Variants in GALNT18 observed in about 807,000 individuals in gnomAD.
The protein encoded by GALNT18 is GalNAc-transferase 18.
Under a neutral mutation model 69.5 loss-of-function variants are expected in GALNT18, and 44 were observed. The ratio of observed to expected loss-of-function variants is 0.63; its 90% confidence interval spans 0.50 to 0.81. The LOEUF is 0.81. Among genes scored for constraint, GALNT18 ranks in the 40% least tolerant of loss-of-function variants. The pLI, the probability that GALNT18 is intolerant of heterozygous loss-of-function variation, is 0.00. For missense variants in GALNT18, 715 were observed against 810.0 expected (o/e 0.88, Z 1.42); for synonymous variants, 364 against 318.2 (o/e 1.14, Z -1.53).
intron 9 of GALNT18, among the ~76,000 whole-genome samples, chr11:11,317,008 C>A (rs1849768284): frequency 1.3e-5 from 2 of 152,186 alleles, no homozygotes; most frequent in South Asian, 4.1e-4. Context: ...TGGGGAGACC[C>A]CACTATTGTA....
chr11:11,272,577 T>C (rs1368732822), intron 10 of GALNT18, among the ~76,000 whole-genome samples: 1 of 152,204 alleles, frequency 6.6e-6, no homozygotes, highest in Non-Finnish European at 1.5e-5. Flanking sequence ...TCCCTTGTAC[T>C]TTTCTGAACC....
At chr11:11,551,951 A>G (rs1478723932) in intron 1 of GALNT18, among the ~76,000 whole-genome samples, 2 of 152,208 alleles carry the variant, frequency 1.3e-5, no homozygotes, top group Admixed American at 1.3e-4. Context: ...ATTACAAAGT[A>G]CATTGATCAG....
intron 1 of GALNT18, among the ~76,000 whole-genome samples, chr11:11,450,899 G>C (rs991641855): frequency 3.9e-5 from 6 of 152,118 alleles, no homozygotes; most frequent in Non-Finnish European, 8.8e-5. Context: ...TCAGTCCTGG[G>C]AAGGCTCTCC....
intron 9 of GALNT18, among the ~76,000 whole-genome samples, chr11:11,324,939 C>T (rs1849893414): frequency 6.6e-6 from 1 of 152,166 alleles, no homozygotes; most frequent in Admixed American, 6.5e-5. Context: ...CTATGGAAAA[C>T]AGTATGGATA....
intron 9 of GALNT18, among the ~76,000 whole-genome samples, chr11:11,311,662 T>C (rs1476163412): frequency 2.0e-5 from 3 of 152,062 alleles, no homozygotes; most frequent in Non-Finnish European, 4.4e-5. Flanking sequence ...AACTGGCCCA[T>C]CATTAAGAAA....
intron 9 of GALNT18, among the ~76,000 whole-genome samples, chr11:11,303,054 G>T (rs1419639366): frequency 6.6e-6 from 1 of 152,178 alleles, no homozygotes; most frequent in Non-Finnish European, 1.5e-5. Context: ...GGCTATAGCA[G>T]ATACTGTTAG....
rs1849637683 is a variant in GALNT18, at chr11:11,309,664, T to C, written c.1513-16471A>G. The stretch of plus-strand genomic sequence containing the variant: ...TAAATCCACCACAAACTCATGATCT[T>C]TAACCTCAACCAGGTACTTCAACAC... On this transcript the variant is annotated intron_variant, in intron 9 of 10. Transcript: ENST00000227756. This position sits in a 1 kb window ranked among gnomAD's most constrained non-coding sequence, Gnocchi z 4.6. 6.6e-6 allele frequency among the ~76,000 whole-genome samples: 1 copy of C among 152,110 alleles called. No individual in the cohort carries two copies. Among genetic ancestry groups the C allele is most frequent in the African/African-American group, 2.4e-5 (1 of 41,414 alleles).
intron 1 of GALNT18, among the ~76,000 whole-genome samples, chr11:11,462,524 C>T (rs1856069086): frequency 6.6e-6 from 1 of 151,882 alleles, no homozygotes; most frequent in African/African-American, 2.4e-5. Flanking sequence ...AACTCTTAAC[C>T]TCAAGTGATC....
intron 6 of GALNT18, chr11:11,352,041 G>T: frequency 1.2e-6 from 2 of 1,613,710 alleles, no homozygotes; most frequent in Non-Finnish European, 1.7e-6. Context: ...GGGTGAAGGA[G>T]TTGGCACTGA....
chr11:11,316,471 G>C (rs1025469356), intron 9 of GALNT18, among the ~76,000 whole-genome samples: 1 of 152,146 alleles, frequency 6.6e-6, no homozygotes, highest in African/African-American at 2.4e-5. Flanking sequence ...ACCACACAGG[G>C]GAGAGGTGAT....
chr11:11,571,687 G>A (rs952365904), intron 1 of GALNT18, among the ~76,000 whole-genome samples: 5 of 152,156 alleles, frequency 3.3e-5, no homozygotes, highest in African/African-American at 7.2e-5. Flanking sequence ...GACAAAGGAT[G>A]TTTCAATCCT....
At chr11:11,418,041 C>T (rs1319738166) in intron 3 of GALNT18, among the ~76,000 whole-genome samples, 1 of 152,198 alleles carries the variant, frequency 6.6e-6, no homozygotes, top group Non-Finnish European at 1.5e-5. Context: ...GACATGTATT[C>T]TGATGATAGA....
At position 11,281,771 on chromosome 11, in the gene GALNT18, G is replaced by A. The variant is rs11827887; in HGVS notation, c.1678-10481C>T. On this transcript the variant is annotated intron_variant, in intron 10 of 10. Transcript: ENST00000227756. ...AGTGCGGTGACCCTGGGCATTGGCT[G>A]CCTGAAGGGATGTGGGAAGGATGGA... Among the ~76,000 whole-genome samples the A allele has an allele frequency of 2.6e-3, 398 of 152,222 alleles. 3 individuals are homozygous for A. Among genetic ancestry groups the A allele is most frequent in the African/African-American group, 9.2e-3 (381 of 41,518 alleles).
At chr11:11,401,193 G>A (rs1217585067) in intron 3 of GALNT18, among the ~76,000 whole-genome samples, 3 of 152,110 alleles carry the variant, frequency 2.0e-5, no homozygotes, top group Admixed American at 2.0e-4. Context: ...TGGATCCTTT[G>A]CAAACCCAGA....
At chr11:11,535,689 C>T (rs1189036740) in intron 1 of GALNT18, among the ~76,000 whole-genome samples, 5 of 152,206 alleles carry the variant, frequency 3.3e-5, no homozygotes, top group African/African-American at 1.2e-4. Context: ...ACAGCCAATC[C>T]CTGCTAGGTT....
intron 10 of GALNT18, among the ~76,000 whole-genome samples, chr11:11,272,345 C>A (rs779734825): frequency 3.2e-4 from 48 of 152,210 alleles, no homozygotes; most frequent in Non-Finnish European, 4.6e-4. Context: ...AGGCCACCAA[C>A]TTCTTTCTCT....
rs964431328 is a variant in GALNT18 at position 11,377,046 on chromosome 11, T to C, written c.977+136A>G. 5 of 705,528 alleles carry C rather than the reference T, an allele frequency of 7.1e-6. No individual in the cohort carries two copies. The highest frequency in any genetic ancestry group is 1.2e-5 in the Non-Finnish European group (5 of 414,784). 43.7% of individuals were successfully genotyped at this position (705,528 alleles called of 1,614,324 possible). A position where few individuals can be genotyped will look rare whatever the true frequency, so the allele number is the denominator to read the frequency against. ...CTGTGGCAGTGACTGAAGATCAGAC[T>C]GCAGTTCCTTTCGACCCTGCCCACC... On this transcript the variant is annotated intron_variant, in intron 5 of 10. Transcript: ENST00000227756. This position sits in a 1 kb window ranked among gnomAD's most constrained non-coding sequence, Gnocchi z 4.6.
chr11:11,357,145 C>T (rs139281480), intron 6 of GALNT18, among the ~76,000 whole-genome samples: 40 of 152,260 alleles, frequency 2.6e-4, no homozygotes, highest in African/African-American at 8.2e-4. Flanking sequence ...ACCCTCAAAT[C>T]GCAGATGCTT....
At chr11:11,388,647 G>C (rs945043611) in intron 3 of GALNT18, among the ~76,000 whole-genome samples, 13 of 152,222 alleles carry the variant, frequency 8.5e-5, no homozygotes, top group Non-Finnish European at 7.3e-5. Flanking sequence ...GGATGTGCAC[G>C]ATGAGCTCGG....
Sources: gnomAD v4.1 joint callset for allele counts (sites outside exome capture counted in the v4.1 genomes callset) on GRCh38, gnomAD v4.1.1 for gene constraint, Gnocchi (gnomAD v3.1) non-coding constraint, MANE v1.5 for transcripts, NCBI Gene and HGNC (gene_info 2026-07-23, HGNC 2026-07-21) for gene names.